The following B4GALNT3 variants were observed in gnomAD, a reference collection of about 807,000 sequenced individuals.
B4GALNT3 encodes the protein beta-1,4-N-acetylgalactosaminyltransferase 3.
Under a neutral mutation model 120.2 loss-of-function variants are expected in B4GALNT3, and 86 were observed. That is an observed-to-expected ratio of 0.72 (90% CI 0.60 to 0.86). The LOEUF is 0.86. Among genes scored for constraint, B4GALNT3 ranks in the 40% least tolerant of loss-of-function variants. The probability of loss-of-function intolerance (pLI) is 0.00; values close to 1 mark genes in which losing one functional copy is unlikely to be tolerated. For synonymous variants in B4GALNT3, 518 were observed against 510.4 expected (o/e 1.01, Z -0.20); for missense variants, 1,167 against 1,298.9 (o/e 0.90, Z 1.56).
At chr12:511,672 GCCTTCCGCCTTCCA>G (rs1946565170) in intron 1 of B4GALNT3, among the ~76,000 whole-genome samples, 3 of 87,532 alleles carry the variant, frequency 3.4e-5, no homozygotes, top group South Asian at 4.0e-4. Context: ...TCCACCTTCC[GCCTTCCGCCTTCCA>G]CCTTCTGTCT....
chr12:534,490 G>A lies in B4GALNT3; in HGVS notation c.170-676G>A, dbSNP rs570597271. Among the ~76,000 whole-genome samples the A allele has an allele frequency of 4.2e-3, 635 of 152,136 alleles. 3 individuals carry two copies. The highest frequency in any genetic ancestry group is 6.9e-3 in the Non-Finnish European group (469 of 68,000). On this transcript the variant is annotated intron_variant, in intron 1 of 19. Transcript: ENST00000266383. ...GTTTCCTGTTCCCTCCCTCCCTCTC[G>A]CCATGGTTTGGCTTTTTGCCTTCCC...
At chr12:531,466 TAGAA>T (rs1257704210) in intron 1 of B4GALNT3, among the ~76,000 whole-genome samples, 1 of 151,934 alleles carries the variant, frequency 6.6e-6, no homozygotes, top group Non-Finnish European at 1.5e-5. Flanking sequence ...CTGGACAACA[TAGAA>T]AGACCCCATC....
At chr12:512,155 TCCGC>T (rs1225078388) in intron 1 of B4GALNT3, among the ~76,000 whole-genome samples, 4,745 of 81,442 alleles carry the variant, frequency 0.058, 925 homozygotes, top group African/African-American at 0.17. Flanking sequence ...CCTTCCGCCT[TCCGC>T]CTTCCACCTT....
intron 1 of B4GALNT3, among the ~76,000 whole-genome samples, chr12:518,346 A>C (rs1027909196): frequency 1.3e-5 from 2 of 152,204 alleles, no homozygotes; most frequent in Non-Finnish European, 2.9e-5. Flanking sequence ...GGATACCAAA[A>C]TCCGAGGATA....
intron 1 of B4GALNT3, among the ~76,000 whole-genome samples, chr12:493,081 A>G (rs891456982): frequency 2.4e-4 from 37 of 152,232 alleles, no homozygotes; most frequent in Admixed American, 2.4e-3. Context: ...CATGAGAAAC[A>G]ATTGATAAGC....
At chr12:491,086 T>G (rs943716169) in intron 1 of B4GALNT3, among the ~76,000 whole-genome samples, 8 of 152,136 alleles carry the variant, frequency 5.3e-5, no homozygotes, top group East Asian at 3.8e-4. Flanking sequence ...GAAAGAAAAT[T>G]ACAGATTAAT....
At position 553,981 on chromosome 12, in the gene B4GALNT3, G is replaced by A. The variant is rs148613080; in HGVS notation, c.2058G>A (p.Arg686=). The change falls in exon 14 of 20, where the codon CGG becomes CGA. Residue 686 remains arginine, a splice_region_variant and synonymous_variant. Transcript: ENST00000266383. ...TGAAGAAGCTCAACCAGAGGAGCCGGGGGTAAGGTAAAGGGCTCTCCTGGG... is the reference window on the plus strand; with the variant it reads ...TGAAGAAGCTCAACCAGAGGAGCCGAGGGTAAGGTAAAGGGCTCTCCTGGG... ...VFLKKLNQRS[R]GRYQLQRIVN... is the part of the protein sequence containing the mutation. The A allele has an allele frequency of 1.9e-6, 3 of 1,609,310 alleles. No individual in the cohort carries two copies. In the East Asian group the frequency reaches 6.7e-5, roughly 36 times the overall value.
chr12:545,330 C>T (rs1008362893), intron 5 of B4GALNT3, 39 bp from the exon 6 acceptor site: 6 of 1,579,670 alleles, frequency 3.8e-6, no homozygotes, highest in Middle Eastern at 1.7e-4. Flanking sequence ...ATGCTGATGC[C>T]CTCCTTGCCC....
At chr12:479,915 CTTT>C (rs55829689) in intron 1 of B4GALNT3, among the ~76,000 whole-genome samples, 27 of 105,430 alleles carry the variant, frequency 2.6e-4, no homozygotes, top group South Asian at 3.4e-4. Flanking sequence ...ATGGGGAGTT[CTTT>C]TTTTTTTTTT....
chr12:552,450 C>T lies in B4GALNT3; in HGVS notation c.1209-17C>T. The stretch of plus-strand genomic sequence containing the variant: ...CCATGCACCGGGTGCCAATGCACAC[C>T]TCCCTTCCTCCTGCAGGTTCAGCTT... On this transcript the variant is annotated splice_polypyrimidine_tract_variant and intron_variant, in intron 12 of 19. Transcript: ENST00000266383. The T allele has an allele frequency of 6.2e-7, 1 of 1,613,000 alleles. No individual in the cohort carries two copies. Among genetic ancestry groups the T allele is most frequent in the South Asian group, 1.1e-5 (1 of 91,046 alleles).
At chr12:527,447 G>T (rs918557974) in intron 1 of B4GALNT3, among the ~76,000 whole-genome samples, 1 of 152,240 alleles carries the variant, frequency 6.6e-6, no homozygotes, top group African/African-American at 2.4e-5. Context: ...CGTTTCAGTA[G>T]CTCAGGTGCT....
chr12:482,662 T>C (rs765898314), intron 1 of B4GALNT3, among the ~76,000 whole-genome samples: 2 of 152,120 alleles, frequency 1.3e-5, no homozygotes, highest in African/African-American at 4.8e-5. Flanking sequence ...GGGGATGTGA[T>C]TGGAGAGAGG....
chr12:492,572 A>G (rs896267729), intron 1 of B4GALNT3, among the ~76,000 whole-genome samples: 1 of 152,248 alleles, frequency 6.6e-6, no homozygotes, highest in Non-Finnish European at 1.5e-5. Flanking sequence ...TGCAATCCCA[A>G]TCAAAACCCC....
At chr12:525,960 G>A (rs1169626609) in intron 1 of B4GALNT3, among the ~76,000 whole-genome samples, 2 of 152,154 alleles carry the variant, frequency 1.3e-5, no homozygotes, top group Non-Finnish European at 2.9e-5. Flanking sequence ...AGGTTCCTGC[G>A]GCCTGAGAAA....
intron 1 of B4GALNT3, among the ~76,000 whole-genome samples, chr12:499,411 G>C (rs931823886): frequency 1.3e-5 from 2 of 150,918 alleles, no homozygotes; most frequent in African/African-American, 4.9e-5. Context: ...GTCCTAGCCC[G>C]TGGAGCCCGT....
At chr12:501,485 G>A (rs1292043158) in intron 1 of B4GALNT3, among the ~76,000 whole-genome samples, 2 of 152,176 alleles carry the variant, frequency 1.3e-5, no homozygotes, top group Admixed American at 6.5e-5. Flanking sequence ...GGAGGCTGAG[G>A]AGGGAAGATC....
intron 1 of B4GALNT3, among the ~76,000 whole-genome samples, chr12:504,353 A>G (rs1426479613): frequency 6.6e-6 from 1 of 150,942 alleles, no homozygotes; most frequent in African/African-American, 2.4e-5. Flanking sequence ...ACTATACACC[A>G]GAATTTAAGT....
chr12:549,617 CG>C, intron 9 of B4GALNT3, 151 bp from the exon 10 acceptor site: 1 of 988,570 alleles, frequency 1.0e-6, no homozygotes, highest in Non-Finnish European at 1.5e-6. Context: ...ACCGCTGTGG[CG>C]GGGGCCAGAG....
rs774370422 is a variant in B4GALNT3, at chr12:536,183, A to C, written c.274-35A>C. On this transcript the variant is annotated intron_variant, in intron 2 of 19. Coordinates refer to ENST00000266383, the MANE Select transcript of B4GALNT3 (RefSeq NM_173593.4). ...CCTGCCCGTAGCTTCTCATCCTAATATTCCTACCAACTTCGTTCTTCATTC... is the reference window on the plus strand; with the variant it reads ...CCTGCCCGTAGCTTCTCATCCTAATCTTCCTACCAACTTCGTTCTTCATTC... 10 of 1,576,124 alleles carry C rather than the reference A, an allele frequency of 6.3e-6. No individual in the cohort carries two copies. The African/African-American group carries it at 1.3e-4, about 21-fold the overall frequency.
Sources: gnomAD v4.1 joint callset for allele counts (sites outside exome capture counted in the v4.1 genomes callset) on GRCh38, gnomAD v4.1.1 for gene constraint, MANE v1.5 for transcripts, NCBI Gene and HGNC (gene_info 2026-07-23, HGNC 2026-07-21) for gene names.